Variants in GTF3C5 observed in about 807,000 individuals in gnomAD.
The protein encoded by GTF3C5 is general transcription factor IIIC subunit 5.
In GTF3C5, 47 loss-of-function variants were observed where a neutral mutation model predicts 61.0. The ratio of observed to expected loss-of-function variants is 0.77; its 90% CI spans 0.61 to 0.98. The LOEUF is 0.98. Among genes scored for constraint, GTF3C5 ranks in the 50% least tolerant of loss-of-function variants. The pLI is 0.00. For synonymous variants in GTF3C5, 295 were observed against 275.4 expected (o/e 1.07, Z -0.71); for missense variants, 659 against 703.3 (o/e 0.94, Z 0.71).
chr9:133,050,962 AG>A lies in GTF3C5; in HGVS notation c.754del (p.Glu252ArgfsTer3). ...ACTAACCCCGTGGACCGGAAGGTGG[AG>A]GAGGAGCTGAGGAAGGCAAGTCCTG... ...VCTNPVDRKV[E>X]EELRKLFDIR... On this transcript the variant is annotated frameshift_variant, in exon 4 of 11. Coordinates refer to ENST00000372097, the MANE Select transcript of GTF3C5 (RefSeq NM_012087.4). LOFTEE classifies it high-confidence loss of function. 6.2e-7 allele frequency: 1 copy of A among 1,609,158 alleles called. No homozygotes were observed. Among genetic ancestry groups the A allele is most frequent in the South Asian group, 1.1e-5 (1 of 90,690 alleles).
chr9:133,031,744 G>A (rs573267888), intron 1 of GTF3C5, among the ~76,000 whole-genome samples: 1 of 152,214 alleles, frequency 6.6e-6, no homozygotes, highest in African/African-American at 2.4e-5. Context: ...CTCTACTGCT[G>A]TGTCTTTCCC....
At chr9:133,044,455 G>T (rs375052305) in intron 3 of GTF3C5, 1 of 153,286 alleles carries the variant, frequency 6.5e-6, no homozygotes, top group Non-Finnish European at 1.5e-5. Context: ...AGCAAGCCTC[G>T]TGGGAATGTC....
At position 133,053,879 on chromosome 9, in the gene GTF3C5, A is replaced by G. The variant is rs764307752; in HGVS notation, c.925A>G (p.Lys309Glu). Residue 309 changes from lysine to glutamate, a missense_variant, in exon 6 of 11, where the codon AAA becomes GAA. Coordinates refer to ENST00000372097, the MANE Select transcript of GTF3C5 (RefSeq NM_012087.4). ...LWIRFGYDPR[K>E]NPDAKIYQVL... ...GATTCGATTTGGGTATGACCCCCGA[A>G]AAAACCCAGATGCCAAGATTTATCA... 4 of 1,613,550 alleles carry G rather than the reference A, an allele frequency of 2.5e-6. No individual in the cohort carries two copies. Among genetic ancestry groups the G allele is most frequent in the East Asian group, 2.2e-5 (1 of 44,874 alleles).
At chr9:133,057,714 C>G in intron 10 of GTF3C5, 100 bp from the exon 11 acceptor site, 1 of 1,147,916 alleles carries the variant, frequency 8.7e-7, no homozygotes, top group East Asian at 2.5e-5. Flanking sequence ...GAGCTCGGAC[C>G]CTTATAGTAG....
At chr9:133,056,134 G>A (rs369309090) in intron 9 of GTF3C5, 40 bp downstream of exon 9, 18 of 1,555,984 alleles carry the variant, frequency 1.2e-5, no homozygotes, top group South Asian at 2.2e-5. Flanking sequence ...AGGGGGGCCC[G>A]TGGGACCCAG....
chr9:133,041,124 G>A (rs780420968), intron 1 of GTF3C5, among the ~76,000 whole-genome samples: 7 of 152,226 alleles, frequency 4.6e-5, no homozygotes, highest in Non-Finnish European at 7.3e-5. Flanking sequence ...CTGGGAAGAC[G>A]CCTCTTGCCA....
intron 3 of GTF3C5, among the ~76,000 whole-genome samples, chr9:133,047,524 CT>C (rs544180537): frequency 6.3e-3 from 913 of 144,018 alleles, no homozygotes; most frequent in Middle Eastern, 0.011. Context: ...ATGATCCTTC[CT>C]TTTTTTTTTT....
intron 2 of GTF3C5, among the ~76,000 whole-genome samples, chr9:133,042,940 C>G (rs925603564): frequency 1.3e-5 from 2 of 152,174 alleles, no homozygotes; most frequent in African/African-American, 4.8e-5. Context: ...CTTAGGCCCT[C>G]GTGAAGATTC....
At chr9:133,055,432 A>C (rs17150138) in intron 8 of GTF3C5, 4 of 1,241,840 alleles carry the variant, frequency 3.2e-6, no homozygotes, top group Non-Finnish European at 4.1e-6. Flanking sequence ...GGCCCTGCCT[A>C]TTTTCTAGGT....
Position 133,043,863 on chromosome 9 carries a change from C to T in GTF3C5, c.509C>T (p.Pro170Leu), listed in dbSNP as rs376483496. 6.2e-6 allele frequency: 10 copies of T among 1,613,998 alleles called. No homozygotes were observed. Among genetic ancestry groups the T allele is most frequent in the South Asian group, 1.1e-5 (1 of 91,082 alleles). Residue 170 changes from proline to leucine, a missense_variant, in exon 3 of 11, where the codon CCA (proline) becomes CTA (leucine). Transcript: ENST00000372097. ...FHQELPLYIP[P>L]PIFSRLDAPV... ...CAGGAGCTGCCGCTCTACATCCCCC[C>T]ACCCATCTTCTCCCGGCTGGACGCC...
rs377305494 is a variant in GTF3C5 at position 133,057,809 on chromosome 9, C to T, written c.1394-5C>T. 6.3e-7 allele frequency: 1 copy of T among 1,594,646 alleles called. No homozygotes were observed. The highest frequency in any genetic ancestry group is 1.3e-5 in the African/African-American group (1 of 74,688). On this transcript the variant is annotated splice_polypyrimidine_tract_variant and splice_region_variant and intron_variant, in intron 10 of 10. Transcript: ENST00000372097. ...CACCCATGGCCTTGTCTCCTCCGGC[C>T]CCAGCTCTCTTTTCCAGCTCAGCCA...
chr9:133,047,192 CCCCAA>C (rs771798648), intron 3 of GTF3C5, among the ~76,000 whole-genome samples: 8 of 152,092 alleles, frequency 5.3e-5, no homozygotes, highest in Non-Finnish European at 7.4e-5. Flanking sequence ...TAATAGCACT[CCCCAA>C]CATCACCCAC....
chr9:133,031,589 C>T (rs892030071), intron 1 of GTF3C5, among the ~76,000 whole-genome samples: 15 of 152,048 alleles, frequency 9.9e-5, no homozygotes, highest in Non-Finnish European at 2.9e-5. Context: ...TTTTGGGTGC[C>T]GCAAAGAAGA....
At chr9:133,038,376 C>G (rs1849938608) in intron 1 of GTF3C5, among the ~76,000 whole-genome samples, 2 of 151,102 alleles carry the variant, frequency 1.3e-5, no homozygotes, top group Admixed American at 1.3e-4. Context: ...GCTTTGGTAT[C>G]TGTAATTGCC....
Position 133,056,904 on chromosome 9 carries a change from G to A in GTF3C5, c.1389G>A (p.Arg463=). 6.3e-7 allele frequency: 1 copy of A among 1,599,508 alleles called. No individual in the cohort carries two copies. The highest frequency in any genetic ancestry group is 8.5e-7 in the Non-Finnish European group (1 of 1,173,314). The change falls in exon 10 of 11, where the codon AGG becomes AGA. Residue 463 remains arginine (R), a synonymous_variant. Transcript: ENST00000372097. ...LMIRQTIRSK[R]PALFSSSAKA... is the part of the protein sequence containing the mutation. ...TCCGGCAGACCATCCGCTCCAAGAG[G>A]CCTGGTAAGAGCCGCTTGGGGTAAA... is the stretch of plus-strand genomic sequence containing the variant.
chr9:133,043,750 G>T lies in GTF3C5; in HGVS notation c.396G>T (p.Leu132Phe). The T allele has an allele frequency of 6.2e-7, 1 of 1,614,112 alleles. No individual in the cohort carries two copies. The highest frequency in any genetic ancestry group is 8.5e-7 in the Non-Finnish European group (1 of 1,179,982). The change falls in exon 3 of 11, where the codon TTG becomes TTT. Residue 132 changes from leucine to phenylalanine, a missense_variant. Coordinates refer to ENST00000372097, the MANE Select transcript of GTF3C5 (RefSeq NM_012087.4). The stretch of plus-strand genomic sequence containing the variant: ...TAGGGATGTCTGACTTCCAGTACTT[G>T]GCTGTGCATACGGAAGCAGGCGGCA... The part of the protein sequence containing the change: ...KFQGMSDFQY[L>F]AVHTEAGGKH...
In GTF3C5 at chr9:133,050,803, C is replaced by A; in HGVS notation, c.593C>A (p.Pro198His). The change falls in exon 4 of 11, where the codon CCC (proline) becomes CAC (histidine). Residue 198 changes from proline (P) to histidine (H), a missense_variant. Coordinates refer to ENST00000372097, the MANE Select transcript of GTF3C5 (RefSeq NM_012087.4). ...CCCAGGGAAGGCTACAACAATCCCC[C>A]CATCTCAGGTGAGAATCTGATTGGC... ...TQHREGYNNP[P>H]ISGENLIGLS... The A allele has an allele frequency of 6.2e-7, 1 of 1,613,554 alleles. No individual in the cohort carries two copies. Among genetic ancestry groups the A allele is most frequent in the Non-Finnish European group, 8.5e-7 (1 of 1,179,644 alleles).
chr9:133,046,068 G>A (rs1365318076), intron 3 of GTF3C5, among the ~76,000 whole-genome samples: 3 of 152,160 alleles, frequency 2.0e-5, no homozygotes, highest in Admixed American at 6.5e-5. Context: ...GCTCACACCT[G>A]TAATTCCAGT....
intron 1 of GTF3C5, among the ~76,000 whole-genome samples, chr9:133,033,165 C>T (rs1428746965): frequency 2.6e-5 from 4 of 152,094 alleles, no homozygotes; most frequent in Non-Finnish European, 4.4e-5. Flanking sequence ...ACTCAAATCC[C>T]GCAGCTATTT....
Sources: gnomAD v4.1 joint callset for allele counts (sites outside exome capture counted in the v4.1 genomes callset) on GRCh38, gnomAD v4.1.1 for gene constraint, MANE v1.5 for transcripts, NCBI Gene and HGNC (gene_info 2026-07-23, HGNC 2026-07-21) for gene names.